Variants in ANK2 observed in about 807,000 individuals in gnomAD.
ANK2 encodes ankyrin-2.
A neutral mutation model predicts 360.5 loss-of-function variants in ANK2; 83 were observed. The observed-to-expected ratio is 0.23, with a 90% CI of 0.19 to 0.28. The LOEUF (loss-of-function observed/expected upper bound fraction) is 0.28. Ranked by LOEUF, ANK2 falls within the 10% of genes least tolerant of loss-of-function variation. The pLI is 1.00. For synonymous variants in ANK2, 1,740 were observed against 1,759.5 expected, an observed-to-expected ratio of 0.99 and a Z score of 0.28; for missense variants, 4,201 against 4,795.7, an observed-to-expected ratio of 0.88 and a Z score of 3.66.
rs1232383514 is a variant in ANK2, at chr4:113,335,881, A to C, written c.3415A>C (p.Ile1139Leu). 5.6e-6 allele frequency: 9 copies of C among 1,614,084 alleles called. No homozygotes were observed. Among genetic ancestry groups the C allele is most frequent in the Non-Finnish European group, 7.6e-6 (9 of 1,180,034 alleles). ...CCCAGAAGACCTAGAAAAGAAACGA[A>C]TCTGCCGCATCATCACCCGAGACTT... is the stretch of plus-strand genomic sequence containing the variant. ...DSPEDLEKKR[I>L]CRIITRDFPQ... Residue 1139 changes from isoleucine (I) to leucine (L), a missense_variant, in exon 30 of 46, where the codon ATC becomes CTC. By Grantham distance (5) the Ile-to-Leu change is conservative. This residue lies in a region of ANK2 where 1,268 missense variants were observed against 1,650.8 expected (regional missense o/e 0.77). Coordinates refer to ENST00000357077, the MANE Select transcript of ANK2 (RefSeq NM_001148.6).
At chr4:113,174,035 T>C (rs1279595288) in intron 1 of ANK2, 2 of 192,140 alleles carry the variant, frequency 1.0e-5, no homozygotes, top group African/African-American at 4.8e-5. Context: ...TGATTCTTTT[T>C]TGACTTGAGG....
At chr4:112,705,829 C>T in the ANK2 span, among the ~76,000 whole-genome samples, 1 of 152,162 alleles carries the variant, frequency 6.6e-6, no homozygotes, top group Non-Finnish European at 1.5e-5. Context: ...ACTTTCAGAG[C>T]ACACGCGCCG....
In ANK2 at chr4:113,357,189, A is replaced by G; in HGVS notation, c.8571A>G (p.Glu2857=). Reference sequence around the variant, plus strand: ...CTTTGCCTCATTGTTTGGTATCTGAAGGAAAAGAATTAGATGAAGACATAT... The same window carrying G: ...CTTTGCCTCATTGTTTGGTATCTGAGGGAAAAGAATTAGATGAAGACATAT... ...SSSLPHCLVS[E]GKELDEDISA... Residue 2857 remains glutamate (E), a synonymous_variant, in exon 38 of 46, where the codon GAA becomes GAG. Transcript: ENST00000357077. The G allele has an allele frequency of 6.2e-7, 1 of 1,614,144 alleles. No individual in the cohort carries two copies. The highest frequency in any genetic ancestry group is 8.5e-7 in the Non-Finnish European group (1 of 1,180,000).
chr4:112,899,161 C>G (rs2082572157), intron 1 of ANK2, among the ~76,000 whole-genome samples: 1 of 152,112 alleles, frequency 6.6e-6, no homozygotes, highest in South Asian at 2.1e-4. Context: ...AGTACAAAGA[C>G]TTGAATATCT....
chr4:113,099,124 C>T (rs933838489), intron 1 of ANK2, among the ~76,000 whole-genome samples: 5 of 151,946 alleles, frequency 3.3e-5, no homozygotes, highest in Non-Finnish European at 5.9e-5. Flanking sequence ...CTCTTACTCT[C>T]ATATTCTACA....
chr4:112,875,963 C>T (rs2150346079), intron 1 of ANK2, among the ~76,000 whole-genome samples: 1 of 150,538 alleles, frequency 6.6e-6, no homozygotes, highest in African/African-American at 2.4e-5. Flanking sequence ...CCATGTTTTC[C>T]AGGCTGGTCT....
At chr4:113,048,272 ATATATTTTTT>A (rs533283013), upstream of ANK2, among the ~76,000 whole-genome samples, 59 of 47,904 alleles carry the variant, frequency 1.2e-3, no homozygotes, top group East Asian at 9.5e-3. Flanking sequence ...ATATATATAT[ATATATTTTTT>A]TTTTTTTTTT....
the ANK2 span, among the ~76,000 whole-genome samples, chr4:112,810,159 ATTTTTTTTTT>A: frequency 2.5e-3 from 88 of 35,710 alleles, no homozygotes; most frequent in Middle Eastern, 0.024. Flanking sequence ...ATATATATAT[ATTTTTTTTTT>A]TTTTTTTTTT....
rs2153836542 is a variant in ANK2 at position 113,317,799 on chromosome 4, C to G, written c.2786C>G (p.Pro929Arg). ...GTGATGGATGACTCAGTTGTGATTC[C>G]CAGTCACCAGGTATGTGACATTTTG... ...SAVMDDSVVI[P>R]SHQVSTLAKE... The change falls in exon 25 of 46, where the codon CCC becomes CGC. Residue 929 changes from proline (P) to arginine (R), a missense_variant. Around this residue, in one of 4 missense-constraint regions of ANK2, gnomAD observed 1,268 missense variants for 1,650.8 expected, o/e 0.77. Transcript: ENST00000357077. The G allele has an allele frequency of 6.2e-7, 1 of 1,613,096 alleles. No individual in the cohort carries two copies. Among genetic ancestry groups the G allele is most frequent in the Non-Finnish European group, 8.5e-7 (1 of 1,179,132 alleles).
At chr4:113,328,600 A>G (rs886325208) in intron 26 of ANK2, among the ~76,000 whole-genome samples, 3 of 152,236 alleles carry the variant, frequency 2.0e-5, no homozygotes, top group African/African-American at 7.2e-5. Context: ...TCAACACTTC[A>G]GTACTGAACT....
At position 112,831,027 on chromosome 4, in the gene ANK2, C is replaced by T. The variant is rs544484015; in HGVS notation, c.-40+12763C>T. On this transcript the variant is annotated intron_variant, in intron 1 of 30. Coordinates refer to the ANK2 transcript ENST00000503271. ...GTGCCTCGCTTGAATTCTCCCTGGG[C>T]CTCAGCCATCTCACCATAGGGCAGG... 6.6e-5 allele frequency among the ~76,000 whole-genome samples: 10 copies of T among 152,332 alleles called. No individual in the cohort carries two copies. In the South Asian group the frequency reaches 1.9e-3, roughly 28 times the overall value.
At chr4:113,162,753 A>G (rs2097581390) in intron 1 of ANK2, among the ~76,000 whole-genome samples, 1 of 144,872 alleles carries the variant, frequency 6.9e-6, no homozygotes, top group South Asian at 2.2e-4. Flanking sequence ...TTTTTTTTTA[A>G]ACTTCAAAGA....
chr4:112,790,031 C>T, the ANK2 span, among the ~76,000 whole-genome samples: 57,044 of 151,970 alleles, frequency 0.38, 11,459 homozygotes, highest in African/African-American at 0.52. Flanking sequence ...TTTTTGGAAG[C>T]AGCATTAGAG....
chr4:113,004,438 C>T (rs950217184), intron 2 of ANK2, among the ~76,000 whole-genome samples: 6 of 151,856 alleles, frequency 4.0e-5, no homozygotes, highest in African/African-American at 1.5e-4. Context: ...AGTAGCCTCG[C>T]CCTACATAAG....
chr4:112,749,152 G>A, the ANK2 span, among the ~76,000 whole-genome samples: 3 of 152,078 alleles, frequency 2.0e-5, no homozygotes, highest in Non-Finnish European at 2.9e-5. Flanking sequence ...CACCCGCCTC[G>A]GCCTCCCACA....
chr4:112,811,397 C>T, the ANK2 span, among the ~76,000 whole-genome samples: 1 of 152,058 alleles, frequency 6.6e-6, no homozygotes, highest in Non-Finnish European at 1.5e-5. Context: ...ACATTTTTGT[C>T]AAGTGTGTTT....
rs2154060462 is a variant in ANK2, at chr4:113,367,709, G to A, written c.11176G>A (p.Asp3726Asn). ...DISVGYSTFQ[D>N]GVPKTEGDSS... ...TTCTGTTGGTTATTCCACTTTTCAGGATGGCGTCCCCAAAACTGAGGGGGA... is the reference window on the plus strand; with the variant it reads ...TTCTGTTGGTTATTCCACTTTTCAGAATGGCGTCCCCAAAACTGAGGGGGA... The change falls in exon 42 of 46, where the codon GAT (aspartate) becomes AAT (asparagine). Residue 3726 changes from aspartate to asparagine, a missense_variant. By Grantham distance (23) the Asp-to-Asn change is conservative. Coordinates refer to ENST00000357077, the MANE Select transcript of ANK2 (RefSeq NM_001148.6). 6.2e-7 allele frequency: 1 copy of A among 1,613,366 alleles called. No homozygotes were observed. Among genetic ancestry groups the A allele is most frequent in the Middle Eastern group, 1.6e-4 (1 of 6,062 alleles).
the ANK2 span, among the ~76,000 whole-genome samples, chr4:112,810,148 TATATATATATA>T: frequency 3.4e-3 from 67 of 19,640 alleles, no homozygotes; most frequent in African/African-American, 0.015. Context: ...TATATATATA[TATATATATATA>T]TTTTTTTTTT....
chr4:113,311,649 C>T (rs2080016287), intron 24 of ANK2, among the ~76,000 whole-genome samples: 1 of 152,104 alleles, frequency 6.6e-6, no homozygotes, highest in Non-Finnish European at 1.5e-5. Flanking sequence ...GCAAAACCAT[C>T]ATAAATAAGA....
Sources: allele counts gnomAD v4.1 joint callset (sites outside exome capture counted in the v4.1 genomes callset), GRCh38; gene constraint gnomAD v4.1.1; regional missense constraint gnomAD v4.1.1; transcripts MANE v1.5; gene names NCBI Gene and HGNC (gene_info 2026-07-23, HGNC 2026-07-21).